TNIK: variants seen among roughly 807,000 people sequenced by gnomAD.
TNIK encodes the protein TRAF2 and NCK interacting kinase.
In TNIK, 49 loss-of-function variants were observed where a neutral mutation model predicts 191.3. That is an observed-to-expected ratio of 0.26 (90% CI 0.20 to 0.32). The LOEUF (loss-of-function observed/expected upper bound fraction) is 0.32. TNIK is among the 10% of genes least tolerant of loss of function. The probability of loss-of-function intolerance (pLI) is 1.00; values close to 1 mark genes in which losing one functional copy is unlikely to be tolerated. For missense variants in TNIK, 1,155 were observed against 1,702.3 expected, an observed-to-expected ratio of 0.68 and a Z score of 5.66; for synonymous variants, 594 against 600.9, an observed-to-expected ratio of 0.99 and a Z score of 0.17.
At position 171,444,564 on chromosome 3, in the gene TNIK, A is replaced by G. The variant is rs186262906; in HGVS notation, c.57+15443T>C. ...GGAGTGGGGCTTTTCTGCACCTTGA[A>G]TAAACTTGCTAAAAAAAAAAAAAAA... On this transcript the variant is annotated intron_variant, in intron 1 of 32. Transcript: ENST00000436636. 6.0e-3 allele frequency among the ~76,000 whole-genome samples: 902 copies of G among 151,404 alleles called. 4 individuals carry two copies. Among genetic ancestry groups the G allele is most frequent in the Non-Finnish European group, 9.6e-3 (648 of 67,834 alleles).
rs755457998 is a variant in TNIK, at chr3:171,123,738, A to AAGT, written c.2014-39_2014-37dup. The AAGT allele has an allele frequency of 2.6e-5, 40 of 1,516,010 alleles. No homozygotes were observed. The East Asian group carries it at 8.4e-4, about 32-fold the overall frequency. 93.9% of individuals were successfully genotyped at this position (1,516,010 alleles called of 1,614,324 possible). ...CCAGAATTCAGAAATATTTTCCATA[A>AAGT]AGTAGCTTCCATAGCCTGTTGTCAG... On this transcript the variant is annotated intron_variant, in intron 17 of 32. Coordinates refer to ENST00000436636, the MANE Select transcript of TNIK (RefSeq NM_015028.4).
At chr3:171,413,225 C>T (rs979164957) in intron 1 of TNIK, among the ~76,000 whole-genome samples, 3 of 152,170 alleles carry the variant, frequency 2.0e-5, no homozygotes, top group Admixed American at 2.0e-4. Flanking sequence ...AAATCTGATT[C>T]CAAATTAAGT....
chr3:171,187,139 A>T (rs539744075), intron 7 of TNIK, among the ~76,000 whole-genome samples: 4 of 152,352 alleles, frequency 2.6e-5, no homozygotes, highest in Admixed American at 2.6e-4. Context: ...CCAGATGTAG[A>T]CTAGTTAGCA....
intron 14 of TNIK, 119 bp downstream of exon 14, chr3:171,139,351 G>T (rs7372183): frequency 0.087 from 76,665 of 881,084 alleles, 3,820 homozygotes; most frequent in Middle Eastern, 0.14. Context: ...TTCTGGACTG[G>T]TATGTTAGAA....
intron 1 of TNIK, among the ~76,000 whole-genome samples, chr3:171,427,919 G>C (rs997465625): frequency 3.3e-5 from 5 of 152,154 alleles, no homozygotes; most frequent in African/African-American, 1.2e-4. Flanking sequence ...TTGGAGAAGA[G>C]CACTCCTACG....
intron 2 of TNIK, among the ~76,000 whole-genome samples, chr3:171,234,104 C>G (rs1743982662): frequency 6.6e-6 from 1 of 152,154 alleles, no homozygotes; most frequent in Non-Finnish European, 1.5e-5. Flanking sequence ...GTTTTCCACT[C>G]CCATTTGAGA....
intron 2 of TNIK, among the ~76,000 whole-genome samples, chr3:171,341,484 A>G: frequency 1.1e-4 from 1 of 9,140 alleles, no homozygotes; most frequent in East Asian, 0.25. Flanking sequence ...AAAAAAAAAA[A>G]AAAAAAAAAA....
chr3:171,184,550 C>T (rs1447674520), intron 7 of TNIK, among the ~76,000 whole-genome samples: 1 of 152,188 alleles, frequency 6.6e-6, no homozygotes, highest in Non-Finnish European at 1.5e-5. Context: ...GTTGGTGACA[C>T]TAACATGCTA....
intron 18 of TNIK, among the ~76,000 whole-genome samples, chr3:171,120,756 C>G (rs1270126604): frequency 6.6e-6 from 1 of 152,122 alleles, no homozygotes; most frequent in Admixed American, 6.5e-5. Flanking sequence ...GGTTGAGACA[C>G]TGTTGTCTTA....
intron 2 of TNIK, among the ~76,000 whole-genome samples, chr3:171,280,610 A>C (rs1204657969): frequency 2.0e-5 from 3 of 152,012 alleles, no homozygotes; most frequent in Admixed American, 2.0e-4. Context: ...TACCAACTTG[A>C]AAATTATCAT....
At chr3:171,302,897 G>A (rs1753035037) in intron 2 of TNIK, among the ~76,000 whole-genome samples, 1 of 152,130 alleles carries the variant, frequency 6.6e-6, no homozygotes, top group South Asian at 2.1e-4. Context: ...TCCAGCCCAA[G>A]TCTCTCTTGC....
chr3:171,139,999 A>G (rs1456319442), intron 13 of TNIK, among the ~76,000 whole-genome samples: 1 of 152,216 alleles, frequency 6.6e-6, no homozygotes, highest in Non-Finnish European at 1.5e-5. Flanking sequence ...TGCTGTAAGA[A>G]TGTGATTCTA....
intron 1 of TNIK, among the ~76,000 whole-genome samples, chr3:171,399,920 G>A (rs1367587152): frequency 6.6e-6 from 1 of 152,146 alleles, no homozygotes; most frequent in African/African-American, 2.4e-5. Flanking sequence ...AAAAATCAAA[G>A]CAGAAAGGAG....
At chr3:171,212,289 C>T (rs958550749) in intron 3 of TNIK, among the ~76,000 whole-genome samples, 21 of 152,094 alleles carry the variant, frequency 1.4e-4, no homozygotes, top group African/African-American at 4.1e-4. Context: ...CACATAAGCT[C>T]TACTCACCAT....
chr3:171,215,419 TACAA>T lies in TNIK; in HGVS notation c.181-4182_181-4179del, dbSNP rs574995970. ...ACAGCTATGAAGCTGGATCCTATTT[TACAA>T]ACGAGTAAAATGAGTCTCAGAGAAG... On this transcript the variant is annotated intron_variant, in intron 3 of 32. Coordinates refer to ENST00000436636, the MANE Select transcript of TNIK (RefSeq NM_015028.4). Among the ~76,000 whole-genome samples the T allele has an allele frequency of 2.6e-3, 396 of 152,290 alleles. 3 individuals are homozygous for T. Among genetic ancestry groups the T allele is most frequent in the African/African-American group, 9.0e-3 (376 of 41,556 alleles).
chr3:171,314,882 C>T (rs1447741972), intron 2 of TNIK, among the ~76,000 whole-genome samples: 1 of 152,104 alleles, frequency 6.6e-6, no homozygotes, highest in Non-Finnish European at 1.5e-5. Flanking sequence ...GTGTAGCTTT[C>T]AAGTATCACT....
intron 14 of TNIK, 64 bp from the exon 15 acceptor site, chr3:171,138,443 G>C: frequency 7.1e-7 from 1 of 1,416,350 alleles, no homozygotes; most frequent in South Asian, 1.6e-5. Flanking sequence ...TCATCGGCCA[G>C]TACCAGATAA....
intron 2 of TNIK, among the ~76,000 whole-genome samples, chr3:171,241,891 A>G (rs925166353): frequency 2.0e-5 from 3 of 152,164 alleles, no homozygotes; most frequent in African/African-American, 7.2e-5. Flanking sequence ...GCTGGAAACC[A>G]TCATTCTCAG....
intron 2 of TNIK, among the ~76,000 whole-genome samples, chr3:171,346,267 C>G (rs1035666702): frequency 1.3e-5 from 2 of 152,140 alleles, no homozygotes; most frequent in Non-Finnish European, 2.9e-5. Context: ...TAAATGCCTT[C>G]AAGTCTCTAC....
Sources: allele counts gnomAD v4.1 joint callset (sites outside exome capture counted in the v4.1 genomes callset), GRCh38; gene constraint gnomAD v4.1.1; transcripts MANE v1.5; gene names NCBI Gene and HGNC (gene_info 2026-07-23, HGNC 2026-07-21).